The following CEL variants were observed in gnomAD, a reference collection of about 807,000 sequenced individuals.
CEL encodes bile salt-activated lipase.
A neutral mutation model predicts 57.1 loss-of-function variants in CEL; 39 were observed. That is an observed-to-expected ratio of 0.68 (90% CI 0.53 to 0.89). The LOEUF (loss-of-function observed/expected upper bound fraction) is 0.89. Among genes scored for constraint, CEL ranks in the 40% least tolerant of loss-of-function variants. The pLI, the probability that CEL is intolerant of heterozygous loss-of-function variation, is 0.00. For synonymous variants in CEL, 314 were observed against 396.6 expected (o/e 0.79, Z 2.48); for missense variants, 698 against 915.0 (o/e 0.76, Z 3.06).
rs767972952 is a variant in CEL, at chr9:133,064,782, C to T, written c.340+20C>T. On this transcript the variant is annotated intron_variant, in intron 3 of 10. Coordinates refer to ENST00000372080, the MANE Select transcript of CEL (RefSeq NM_001807.6). ...AGCAAGGTCTGCCTCCCCTCTACTC[C>T]CCAAGGGACCCTCCCATGCAGCCAC... 14 of 1,613,628 alleles carry T rather than the reference C, an allele frequency of 8.7e-6. No individual in the cohort carries two copies. The Admixed American group carries it at 1.7e-4, about 19-fold the overall frequency.
At chr9:133,065,966 C>T (rs1322353037) in intron 4 of CEL, among the ~76,000 whole-genome samples, 2 of 152,074 alleles carry the variant, frequency 1.3e-5, no homozygotes, top group Non-Finnish European at 2.9e-5. Context: ...TGCAGTGAGC[C>T]GTGGTCGTGC....
At position 133,071,541 on chromosome 9, in the gene CEL, C is replaced by G; in HGVS notation, c.2039C>G (p.Pro680Arg). 2 of 854,858 alleles carry G rather than the reference C, an allele frequency of 2.3e-6. No homozygotes were observed. The highest frequency in any genetic ancestry group is 4.0e-5 in the East Asian group (1 of 25,082). 53.0% of individuals were successfully genotyped at this position (854,858 alleles called of 1,614,324 possible). A position where few individuals can be genotyped will look rare whatever the true frequency, so the allele number is the denominator to read the frequency against. Reference sequence around the variant, plus strand: ...CCCACGGGTGACGCCGGGCCCCCCCCCGTGCCGCCCACGGGTGACTCCGGC... The same window carrying G: ...CCCACGGGTGACGCCGGGCCCCCCCGCGTGCCGCCCACGGGTGACTCCGGC... The part of the protein sequence containing the change: ...VPPTGDAGPP[P>R]VPPTGDSGAP... The change falls in exon 11 of 11, where the codon CCC (proline) becomes CGC (arginine). Residue 680 changes from proline (P) to arginine (R), a missense_variant. Physicochemically the swap from Pro to Arg is moderately radical, Grantham distance 103. Transcript: ENST00000372080.
intron 1 of CEL, 70 bp from the exon 2 acceptor site, chr9:133,064,334 G>C: frequency 6.2e-7 from 1 of 1,603,310 alleles, no homozygotes; most frequent in Non-Finnish European, 8.5e-7. Flanking sequence ...GAGTCGGCTT[G>C]CCTTGCCCCC....
In CEL at chr9:133,071,365, CGG is replaced by C; in HGVS notation, c.1866_1867del (p.Ala623ProfsTer8). ...CCCCCGTGCCGCCCACGGGTGACTC[CGG>C]GGCCCCCCCCGTGCCGCCCACGGGT... is the stretch of plus-strand genomic sequence containing the variant. ...APPVPPTGDS[G>X]APPVPPTGDS... On this transcript the variant is annotated frameshift_variant, in exon 11 of 11. Transcript: ENST00000372080. LOFTEE classifies it high-confidence loss of function. The C allele has an allele frequency of 4.1e-5, 1 of 24,438 alleles. No homozygotes were observed. Among genetic ancestry groups the C allele is most frequent in the Non-Finnish European group, 6.7e-5 (1 of 14,894 alleles). 1.5% of individuals were successfully genotyped at this position (24,438 alleles called of 1,614,324 possible).
Position 133,070,580 on chromosome 9 carries a change from C to T in CEL, c.1406C>T (p.Thr469Ile). 2 of 1,613,946 alleles carry T rather than the reference C, an allele frequency of 1.2e-6. No homozygotes were observed. Among genetic ancestry groups the T allele is most frequent in the South Asian group, 1.1e-5 (1 of 91,074 alleles). Residue 469 changes from threonine (T) to isoleucine (I), a missense_variant, in exon 10 of 11, where the codon ACC (threonine) becomes ATC (isoleucine). Transcript: ENST00000372080. The stretch of plus-strand genomic sequence containing the variant: ...TACGTTTTCGGGAAGCCCTTCGCCA[C>T]CCCCACGGGCTACCGGCCCCAAGAC... ...IQYVFGKPFA[T>I]PTGYRPQDRT... is the part of the protein sequence containing the mutation.
chr9:133,066,445 C>A lies in CEL; in HGVS notation c.539-85C>A. On this transcript the variant is annotated intron_variant, in intron 4 of 10. Coordinates refer to ENST00000372080, the MANE Select transcript of CEL (RefSeq NM_001807.6). The surrounding 1 kb of genome is among the most constrained non-coding windows in gnomAD (Gnocchi z 4.3). Reference sequence around the variant, plus strand: ...GGCCCCAACTCTGTTGAGGGCATTTCCACCCCACCTATGCTGATCTCCCCT... The same window carrying A: ...GGCCCCAACTCTGTTGAGGGCATTTACACCCCACCTATGCTGATCTCCCCT... The A allele has an allele frequency of 1.3e-6, 2 of 1,565,966 alleles. No homozygotes were observed. The highest frequency in any genetic ancestry group is 1.1e-5 in the South Asian group (1 of 89,970).
Position 133,066,431 on chromosome 9 carries a change from T to G in CEL, c.539-99T>G, listed in dbSNP as rs1830179034. The G allele has an allele frequency of 6.7e-7, 1 of 1,489,760 alleles. No individual in the cohort carries two copies. Among genetic ancestry groups the G allele is most frequent in the Non-Finnish European group, 9.3e-7 (1 of 1,078,184 alleles). 92.3% of individuals were successfully genotyped at this position (1,489,760 alleles called of 1,614,324 possible). Reference sequence around the variant, plus strand: ...TGGGGCTCTGCCATGGCCCCAACTCTGTTGAGGGCATTTCCACCCCACCTA... The same window carrying G: ...TGGGGCTCTGCCATGGCCCCAACTCGGTTGAGGGCATTTCCACCCCACCTA... On this transcript the variant is annotated intron_variant, in intron 4 of 10. Coordinates refer to ENST00000372080, the MANE Select transcript of CEL (RefSeq NM_001807.6). The surrounding 1 kb of genome is among the most constrained non-coding windows in gnomAD (Gnocchi z 4.3).
chr9:133,071,172 C>T lies in CEL; in HGVS notation c.1670C>T (p.Ala557Val). The change falls in exon 11 of 11, where the codon GCC (alanine) becomes GTC (valine). Residue 557 changes from alanine to valine, a missense_variant. By Grantham distance (64) the Ala-to-Val change is moderately conservative. This residue lies in a region of CEL where 238 missense variants were observed against 213.7 expected (regional missense o/e 1.11). Transcript: ENST00000372080. The stretch of plus-strand genomic sequence containing the variant: ...CTGCCCACAGTGACCGACCAGGAGG[C>T]CACCCCTGTGCCCCCCACAGGGGAC... ...LALPTVTDQE[A>V]TPVPPTGDSE... 3.7e-6 allele frequency: 6 copies of T among 1,607,636 alleles called. No individual in the cohort carries two copies. Among genetic ancestry groups the T allele is most frequent in the South Asian group, 1.1e-5 (1 of 91,016 alleles).
intron 2 of CEL, 36 bp from the exon 3 acceptor site, chr9:133,064,604 G>A (rs1460566685): frequency 9.9e-6 from 16 of 1,613,590 alleles, no homozygotes; most frequent in Admixed American, 1.7e-5. Flanking sequence ...GGGTGAGGGC[G>A]GCTGCCTTCC....
chr9:133,065,184 A>T lies in CEL; in HGVS notation c.485A>T (p.Asn162Ile), dbSNP rs1830157296. ...GGAAACGTCATCGTGGTCACCTTCAACTACCGTGTCGGCCCCCTTGGGTTC... is the reference window on the plus strand; with the variant it reads ...GGAAACGTCATCGTGGTCACCTTCATCTACCGTGTCGGCCCCCTTGGGTTC... ...TRGNVIVVTF[N>I]YRVGPLGFLS... Residue 162 changes from asparagine (N) to isoleucine (I), a missense_variant, in exon 4 of 11, where the codon AAC becomes ATC. By Grantham distance (149) the Asn-to-Ile change is moderately radical. Transcript: ENST00000372080. The T allele has an allele frequency of 6.2e-7, 1 of 1,613,868 alleles. No homozygotes were observed. Among genetic ancestry groups the T allele is most frequent in the African/African-American group, 1.3e-5 (1 of 75,060 alleles).
rs754311269 is a variant in CEL, at chr9:133,071,188, C to G, written c.1686C>G (p.Pro562=). ...ACCAGGAGGCCACCCCTGTGCCCCC[C>G]ACAGGGGACTCCGAGGCCACTCCCG... ...VTDQEATPVP[P]TGDSEATPVP... The change falls in exon 11 of 11, where the codon CCC becomes CCG. Residue 562 remains proline (P), a synonymous_variant. Transcript: ENST00000372080. 1.2e-6 allele frequency: 2 copies of G among 1,606,260 alleles called. No individual in the cohort carries two copies. The highest frequency in any genetic ancestry group is 2.2e-5 in the East Asian group (1 of 44,780).
chr9:133,067,383 T>C (rs1830198173), intron 7 of CEL, among the ~76,000 whole-genome samples, 178 bp downstream of exon 7: 1 of 151,770 alleles, frequency 6.6e-6, no homozygotes, highest in Non-Finnish European at 1.5e-5. Flanking sequence ...TGCCGTTTCT[T>C]CTTTTTTTTT....
At chr9:133,068,236 G>A (rs1830211538) in intron 7 of CEL, among the ~76,000 whole-genome samples, 1 of 152,142 alleles carries the variant, frequency 6.6e-6, no homozygotes, top group Admixed American at 6.5e-5. Context: ...ACCATTTTTG[G>A]CTGATGGACT....
rs534347739 is a variant in CEL at position 133,064,890 on chromosome 9, G to A, written c.340+128G>A. Reference sequence around the variant, plus strand: ...ATCCCACAGAGGCGGGGAGGGGAGCGCCCACTGCCGTTGCCCAGCCTGGGG... The same window carrying A: ...ATCCCACAGAGGCGGGGAGGGGAGCACCCACTGCCGTTGCCCAGCCTGGGG... On this transcript the variant is annotated intron_variant, in intron 3 of 10. Coordinates refer to ENST00000372080, the MANE Select transcript of CEL (RefSeq NM_001807.6). 2,585 of 1,543,084 alleles carry A rather than the reference G, an allele frequency of 1.7e-3. 5 individuals are homozygous for A. Among genetic ancestry groups the A allele is most frequent in the Non-Finnish European group, 1.9e-3 (2,157 of 1,131,336 alleles).
At position 133,064,285 on chromosome 9, in the gene CEL, C is replaced by G. The variant is rs991662213; in HGVS notation, c.67-119C>G. The G allele has an allele frequency of 6.6e-6, 9 of 1,360,656 alleles. No individual in the cohort carries two copies. In the African/African-American group the frequency reaches 1.3e-4, roughly 20 times the overall value. The allele number at this position is 1,360,656 out of a possible 1,614,324, so 84.3% of individuals were successfully genotyped here. A position where few individuals can be genotyped will look rare whatever the true frequency, so the allele number is the denominator to read the frequency against. On this transcript the variant is annotated intron_variant, in intron 1 of 10. Transcript: ENST00000372080. ...TGCTGCCTGGGTCTCCTGTGCAGAG[C>G]TGTCCTGCTTTGAAGCTGTCTTTGC...
Position 133,064,328 on chromosome 9 carries a change from CG to C in CEL, c.67-74del, listed in dbSNP as rs377732995. On this transcript the variant is annotated intron_variant, in intron 1 of 10. Coordinates refer to ENST00000372080, the MANE Select transcript of CEL (RefSeq NM_001807.6). Reference sequence around the variant, plus strand: ...GTCTTTGCCTCTGGGCACGCGGAGTCGGCTTGCCTTGCCCCCTCCGGATTCA... The same window carrying C: ...GTCTTTGCCTCTGGGCACGCGGAGTCGCTTGCCTTGCCCCCTCCGGATTCA... 2,068 of 1,595,154 alleles carry C rather than the reference CG, an allele frequency of 1.3e-3. 24 individuals carry two copies. In the South Asian group the frequency reaches 0.014, roughly 11 times the overall value.
intron 7 of CEL, among the ~76,000 whole-genome samples, chr9:133,067,817 C>A (rs1305459662): frequency 2.0e-5 from 3 of 152,118 alleles, no homozygotes; most frequent in African/African-American, 7.2e-5. Context: ...AGACCAAGAG[C>A]CTTTGTGCTA....
At chr9:133,070,430 C>G in intron 9 of CEL, 31 bp from the exon 10 acceptor site, 2 of 1,593,514 alleles carry the variant, frequency 1.3e-6, no homozygotes, top group Non-Finnish European at 1.7e-6. Context: ...CAGTGAGCAC[C>G]CTGCCTACTT....
At chr9:133,064,904 C>T (rs1219039582) in intron 3 of CEL, 136 bp from the exon 4 acceptor site, 153 of 1,539,600 alleles carry the variant, frequency 9.9e-5, no homozygotes, top group Non-Finnish European at 1.3e-4. Flanking sequence ...ACTGCCGTTG[C>T]CCAGCCTGGG....
Sources: allele counts gnomAD v4.1 joint callset (sites outside exome capture counted in the v4.1 genomes callset), GRCh38; gene constraint gnomAD v4.1.1; regional missense constraint gnomAD v4.1.1; non-coding constraint Gnocchi (gnomAD v3.1); transcripts MANE v1.5; gene names NCBI Gene and HGNC (gene_info 2026-07-23, HGNC 2026-07-21).